The following TMEM117 variants were observed in gnomAD, a reference collection of about 807,000 sequenced individuals.
TMEM117 encodes the protein transmembrane protein 117.
In TMEM117, 27 loss-of-function variants were observed where a neutral mutation model predicts 52.4. The observed-to-expected ratio is 0.51, with a 90% CI of 0.38 to 0.71. The LOEUF is 0.71. TMEM117 is among the 30% of genes least tolerant of loss of function. TMEM117 has a pLI of 0.00. For synonymous variants in TMEM117, 215 were observed against 206.3 expected (o/e 1.04, Z -0.36); for missense variants, 556 against 630.5 (o/e 0.88, Z 1.26).
chr12:44,300,832 A>G (rs1159148897), intron 6 of TMEM117, among the ~76,000 whole-genome samples: 1 of 152,198 alleles, frequency 6.6e-6, no homozygotes, highest in Non-Finnish European at 1.5e-5. Context: ...ATAGCAATGG[A>G]AAAAACTTTC....
chr12:43,955,168 C>G (rs868574601), intron 3 of TMEM117, among the ~76,000 whole-genome samples: 17 of 152,122 alleles, frequency 1.1e-4, no homozygotes, highest in African/African-American at 4.1e-4. Flanking sequence ...AAAAAACAGT[C>G]AATAACATAT....
chr12:44,169,770 C>T (rs543464307), intron 4 of TMEM117, among the ~76,000 whole-genome samples: 2 of 152,046 alleles, frequency 1.3e-5, no homozygotes, highest in South Asian at 2.1e-4. Context: ...ATTAGAATGG[C>T]GATCATTAAA....
At chr12:44,179,605 G>A (rs1949162872) in intron 4 of TMEM117, among the ~76,000 whole-genome samples, 1 of 152,320 alleles carries the variant, frequency 6.6e-6, no homozygotes, top group Non-Finnish European at 1.5e-5. Context: ...CAGCCTTGCT[G>A]GCAGCCAGTT....
At chr12:44,200,393 G>A (rs1303473303) in intron 4 of TMEM117, among the ~76,000 whole-genome samples, 9 of 152,122 alleles carry the variant, frequency 5.9e-5, no homozygotes, top group Admixed American at 2.0e-4. Context: ...ATTTGGGGAA[G>A]ACATTAATAG....
chr12:43,806,258 T>C, the TMEM117 span: 19 of 1,522,040 alleles, frequency 1.2e-5, no homozygotes, highest in Non-Finnish European at 1.6e-5. Context: ...CGGCGGCCGC[T>C]AGCTCCCGGC....
At chr12:43,947,380 G>A (rs1945150543) in intron 3 of TMEM117, among the ~76,000 whole-genome samples, 1 of 152,106 alleles carries the variant, frequency 6.6e-6, no homozygotes, top group African/African-American at 2.4e-5. Context: ...ATTTATAAAA[G>A]ATGTATAATT....
intron 5 of TMEM117, among the ~76,000 whole-genome samples, chr12:44,296,811 G>A (rs1208343048): frequency 1.3e-5 from 2 of 152,230 alleles, no homozygotes; most frequent in African/African-American, 4.8e-5. Flanking sequence ...CAAAGTGCAT[G>A]TGGGCATGAC....
chr12:43,915,566 G>C (rs1944587119), intron 2 of TMEM117, among the ~76,000 whole-genome samples: 2 of 152,118 alleles, frequency 1.3e-5, no homozygotes, highest in African/African-American at 4.8e-5. Context: ...ACTCTTGCTT[G>C]GTCACAGAAG....
intron 3 of TMEM117, among the ~76,000 whole-genome samples, chr12:44,063,364 C>T (rs1344764699): frequency 1.3e-5 from 2 of 152,094 alleles, no homozygotes; most frequent in African/African-American, 2.4e-5. Flanking sequence ...TTTTGAAATG[C>T]GATCTCACTG....
At chr12:44,203,577 T>C (rs998740027) in intron 4 of TMEM117, among the ~76,000 whole-genome samples, 1 of 152,186 alleles carries the variant, frequency 6.6e-6, no homozygotes, top group African/African-American at 2.4e-5. Flanking sequence ...TAACTTGATG[T>C]AGGTGATTAG....
intron 5 of TMEM117, among the ~76,000 whole-genome samples, chr12:44,239,786 C>A (rs989767162): frequency 7.2e-5 from 11 of 152,034 alleles, no homozygotes; most frequent in Non-Finnish European, 1.2e-4. Flanking sequence ...CACACATACA[C>A]ATGCTCTCAT....
intron 6 of TMEM117, among the ~76,000 whole-genome samples, chr12:44,311,825 ATATATG>A (rs1468458560): frequency 6.7e-4 from 73 of 108,318 alleles, no homozygotes; most frequent in South Asian, 5.0e-3. Context: ...ATATATATGT[ATATATG>A]TATATATGTA....
intron 3 of TMEM117, among the ~76,000 whole-genome samples, chr12:44,067,065 T>A (rs936916450): frequency 1.3e-5 from 2 of 152,092 alleles, no homozygotes; most frequent in Non-Finnish European, 2.9e-5. Context: ...GAAAATACTT[T>A]CTTTGCTCAT....
At chr12:44,086,379 AATTTTTTTTTGTATTTTAGTAGAG>A (rs1301029171) in intron 3 of TMEM117, among the ~76,000 whole-genome samples, 1 of 151,710 alleles carries the variant, frequency 6.6e-6, no homozygotes, top group Non-Finnish European at 1.5e-5. Flanking sequence ...ACTCCCAGCT[AATTTTTTTTTGTATTTTAGTAGAG>A]ATGGGGTTTC....
intron 4 of TMEM117, among the ~76,000 whole-genome samples, chr12:44,158,765 A>T (rs146212726): frequency 4.9e-4 from 74 of 149,720 alleles, no homozygotes; most frequent in African/African-American, 1.8e-3. Context: ...TGGGAACTTT[A>T]AAAAAAAATA....
At chr12:43,960,673 T>C (rs1474629549) in intron 3 of TMEM117, among the ~76,000 whole-genome samples, 2 of 152,178 alleles carry the variant, frequency 1.3e-5, no homozygotes, top group African/African-American at 2.4e-5. Context: ...AGCTCTCTTA[T>C]TAAATATTTT....
intron 5 of TMEM117, among the ~76,000 whole-genome samples, chr12:44,218,838 C>A (rs1949753119): frequency 6.6e-6 from 1 of 152,078 alleles, no homozygotes; most frequent in African/African-American, 2.4e-5. Flanking sequence ...TTCGTTGTTT[C>A]CTTTAATCCA....
intron 6 of TMEM117, among the ~76,000 whole-genome samples, chr12:44,308,282 C>T (rs564408999): frequency 1.3e-5 from 2 of 152,326 alleles, no homozygotes; most frequent in African/African-American, 2.4e-5. Flanking sequence ...CAAGATATAA[C>T]TCATTTGCAT....
intron 5 of TMEM117, among the ~76,000 whole-genome samples, chr12:44,216,009 T>TTC (rs1949712992): frequency 7.7e-6 from 1 of 130,070 alleles, no homozygotes; most frequent in African/African-American, 2.8e-5. Context: ...TTCTTTCTTT[T>TTC]TTTTTTTTTT....
Sources: allele counts gnomAD v4.1 joint callset (sites outside exome capture counted in the v4.1 genomes callset), GRCh38; gene constraint gnomAD v4.1.1; transcripts MANE v1.5; gene names NCBI Gene and HGNC (gene_info 2026-07-23, HGNC 2026-07-21).